Variants in UNC119B observed in about 807,000 individuals in gnomAD.
UNC119B encodes protein unc-119 homolog B.
UNC119B carries 16 observed loss-of-function variants against 23.4 expected under a neutral mutation model. The observed-to-expected ratio is 0.68, with a 90% CI of 0.46 to 1.04. The LOEUF (loss-of-function observed/expected upper bound fraction) is 1.04, where lower values mean the gene tolerates loss of function less well. Among genes scored for constraint, UNC119B ranks in the 50% least tolerant of loss-of-function variants. The probability of loss-of-function intolerance (pLI) is 0.00; values close to 1 mark genes in which losing one functional copy is unlikely to be tolerated. For synonymous variants in UNC119B, 144 were observed against 145.4 expected (o/e 0.99, Z 0.07); for missense variants, 350 against 361.3 (o/e 0.97, Z 0.25).
In UNC119B at chr12:120,721,771, TCAGAACTGGCGTCCA is replaced by T. The variant is rs1882908804; in HGVS notation, c.*1741_*1755del. 1 of 152,696 alleles carries T rather than the reference TCAGAACTGGCGTCCA, an allele frequency of 6.5e-6. No homozygotes were observed. The highest frequency in any genetic ancestry group is 6.5e-5 in the Admixed American group (1 of 15,274). 9.5% of individuals were successfully genotyped at this position (152,696 alleles called of 1,614,324 possible). On this transcript the variant is annotated 3_prime_UTR_variant, in exon 5 of 5. Coordinates refer to ENST00000344651, the MANE Select transcript of UNC119B (RefSeq NM_001080533.3). ...TTCCTTATCACCAGACCGGCCACTC[TCAGAACTGGCGTCCA>T]CTGTAAATCCAGGTGCCTTACGTGT...
intron 1 of UNC119B, 78 bp from the exon 2 acceptor site, chr12:120,713,196 C>T (rs1882703371): frequency 2.4e-6 from 3 of 1,241,602 alleles, no homozygotes; most frequent in South Asian, 1.4e-5. Context: ...TCTGAGTTTG[C>T]TTCAAAACTT....
At chr12:120,714,041 A>G (rs768595633) in intron 2 of UNC119B, among the ~76,000 whole-genome samples, 1 of 152,196 alleles carries the variant, frequency 6.6e-6, no homozygotes, top group Non-Finnish European at 1.5e-5. Flanking sequence ...GCTGATCTGG[A>G]CCACAGAAGC....
At chr12:120,719,778 G>A in intron 4 of UNC119B, 142 bp from the exon 5 acceptor site, 1 of 633,092 alleles carries the variant, frequency 1.6e-6, no homozygotes, top group African/African-American at 1.8e-5. Flanking sequence ...CCTCTGTTCT[G>A]ACCTCATCGT....
chr12:120,714,794 C>T (rs944226675), intron 2 of UNC119B, among the ~76,000 whole-genome samples: 1 of 152,176 alleles, frequency 6.6e-6, no homozygotes, highest in African/African-American at 2.4e-5. Flanking sequence ...CAATATAAGA[C>T]GGAACTGTTT....
At chr12:120,713,840 T>A (rs1882717905) in intron 2 of UNC119B, among the ~76,000 whole-genome samples, 1 of 152,184 alleles carries the variant, frequency 6.6e-6, no homozygotes, top group Non-Finnish European at 1.5e-5. Flanking sequence ...ATAGGGAGGA[T>A]CCTGGTCCAG....
Position 120,713,375 on chromosome 12 carries a change from C to A in UNC119B, c.346C>A (p.Pro116Thr). The A allele has an allele frequency of 1.2e-6, 2 of 1,613,784 alleles. No homozygotes were observed. The highest frequency in any genetic ancestry group is 8.5e-7 in the Non-Finnish European group (1 of 1,179,710). The change falls in exon 2 of 5, where the codon CCT becomes ACT. Residue 116 changes from proline to threonine, a missense_variant. Pro to Thr is a conservative substitution (Grantham distance 38). Coordinates refer to ENST00000344651, the MANE Select transcript of UNC119B (RefSeq NM_001080533.3). ...TGTVLFEIAKPCVSDQEEDEE... is the reference protein window; with the variant it reads ...TGTVLFEIAKTCVSDQEEDEE... Reference sequence around the variant, plus strand: ...GACAGTACTTTTTGAGATTGCCAAACCTTGCGTTTCAGGTAGGCCTCTACG... The same window carrying A: ...GACAGTACTTTTTGAGATTGCCAAAACTTGCGTTTCAGGTAGGCCTCTACG...
At chr12:120,719,529 G>T (rs547949443) in intron 4 of UNC119B, among the ~76,000 whole-genome samples, 2 of 152,304 alleles carry the variant, frequency 1.3e-5, no homozygotes, top group African/African-American at 4.8e-5. Context: ...TCTAGAGGTG[G>T]GCCACTGACC....
chr12:120,710,741 C>T (rs1433347232), intron 1 of UNC119B, 23 bp downstream of exon 1: 1 of 1,327,960 alleles, frequency 7.5e-7, no homozygotes, highest in Non-Finnish European at 9.6e-7. Context: ...CGGGCCGCGC[C>T]CTCCCCTCGC....
In UNC119B at chr12:120,717,046, T is replaced by C. The variant is rs944137638; in HGVS notation, c.643+4T>C. The C allele has an allele frequency of 2.5e-6, 4 of 1,581,174 alleles. No individual in the cohort carries two copies. The African/African-American group carries it at 4.0e-5, about 16-fold the overall frequency. The stretch of plus-strand genomic sequence containing the variant: ...CCCCAGCTTTCGGAGGATGTCAGTA[T>C]GTATCCCCTGACCCTTACAGCACTC... On this transcript the variant is annotated splice_donor_region_variant and intron_variant, in intron 4 of 4. Transcript: ENST00000344651.
intron 4 of UNC119B, 79 bp downstream of exon 4, chr12:120,717,121 C>A (rs1054173024): frequency 7.1e-7 from 1 of 1,415,210 alleles, no homozygotes; most frequent in South Asian, 1.5e-5. Flanking sequence ...TCTGGTCCAG[C>A]GCCCTGGCAT....
Position 120,716,757 on chromosome 12 carries a change from C to T in UNC119B, c.470+18C>T, listed in dbSNP as rs1486384968. 5.6e-6 allele frequency: 9 copies of T among 1,612,312 alleles called. No homozygotes were observed. The highest frequency in any genetic ancestry group is 7.6e-6 in the Non-Finnish European group (9 of 1,178,524). ...GGGGCTACGTGAGTACCATTACTACCTGAGGGGAGAACATTCTGTTTGTTC... is the reference window on the plus strand; with the variant it reads ...GGGGCTACGTGAGTACCATTACTACTTGAGGGGAGAACATTCTGTTTGTTC... On this transcript the variant is annotated intron_variant, in intron 3 of 4. Coordinates refer to ENST00000344651, the MANE Select transcript of UNC119B (RefSeq NM_001080533.3).
rs2136931333 is a variant in UNC119B at position 120,716,631 on chromosome 12, A to T, written c.362A>T (p.Gln121Leu). 2 of 1,614,158 alleles carry T rather than the reference A, an allele frequency of 1.2e-6. No homozygotes were observed. The highest frequency in any genetic ancestry group is 4.5e-5 in the East Asian group (2 of 44,886). The change falls in exon 3 of 5, where the codon CAG becomes CTG. Residue 121 changes from glutamine to leucine, a missense_variant. Transcript: ENST00000344651. ...FEIAKPCVSD[Q>L]EEDEEEGGGD... ...AAGATTCTGTGTGCTCTTTCAGACC[A>T]GGAGGAGGATGAGGAGGAGGGAGGT...
At chr12:120,711,252 GT>G (rs1882663267) in intron 1 of UNC119B, 1 of 152,432 alleles carries the variant, frequency 6.6e-6, no homozygotes. Flanking sequence ...TTGCCCCTTA[GT>G]GTGCAGATGG....
intron 2 of UNC119B, among the ~76,000 whole-genome samples, chr12:120,716,113 G>A (rs2136931073): frequency 6.6e-6 from 1 of 152,344 alleles, no homozygotes; most frequent in East Asian, 1.9e-4. Context: ...TTTCTGATAA[G>A]TGTCAACTTT....
chr12:120,715,013 A>G (rs1882745560), intron 2 of UNC119B, among the ~76,000 whole-genome samples: 1 of 151,852 alleles, frequency 6.6e-6, no homozygotes, highest in Non-Finnish European at 1.5e-5. Context: ...ACATGGCAAA[A>G]CCCCATCTGT....
At chr12:120,716,575 C>T in intron 2 of UNC119B, 53 bp from the exon 3 acceptor site, 1 of 1,596,572 alleles carries the variant, frequency 6.3e-7, no homozygotes, top group Non-Finnish European at 8.6e-7. Flanking sequence ...TGATAGAACT[C>T]TTGGATTGAG....
At chr12:120,711,055 C>A (rs1882655549) in intron 1 of UNC119B, 1 of 197,228 alleles carries the variant, frequency 5.1e-6, no homozygotes, top group African/African-American at 2.3e-5. Context: ...GGGCCGAGGT[C>A]CCCTAATAAA....
At chr12:120,710,883 C>G in intron 1 of UNC119B, 165 bp downstream of exon 1, 1 of 571,974 alleles carries the variant, frequency 1.7e-6, no homozygotes, top group Non-Finnish European at 2.5e-6. Flanking sequence ...TCCCGCCACG[C>G]TCACGTAGCT....
At position 120,723,372 on chromosome 12, in the gene UNC119B, T is replaced by C. The variant is rs1882955431; in HGVS notation, c.*3340T>C. On this transcript the variant is annotated 3_prime_UTR_variant, in exon 5 of 5. Coordinates refer to ENST00000344651, the MANE Select transcript of UNC119B (RefSeq NM_001080533.3). ...AGAACATATCAGCCTCAAGAAGGAT[T>C]TGGTGGAGGTGGATTTACCACTGGT... is the stretch of plus-strand genomic sequence containing the variant. 1 of 153,044 alleles carries C rather than the reference T, an allele frequency of 6.5e-6. No individual in the cohort carries two copies. Among genetic ancestry groups the C allele is most frequent in the Admixed American group, 6.5e-5 (1 of 15,270 alleles). The allele number at this position is 153,044 out of a possible 1,614,324, so 9.5% of individuals were successfully genotyped here. A position where few individuals can be genotyped will look rare whatever the true frequency, so the allele number is the denominator to read the frequency against.
Sources: gnomAD v4.1 joint callset for allele counts (sites outside exome capture counted in the v4.1 genomes callset) on GRCh38, gnomAD v4.1.1 for gene constraint, MANE v1.5 for transcripts, NCBI Gene and HGNC (gene_info 2026-07-23, HGNC 2026-07-21) for gene names.